Variants in PRKN observed in about 807,000 individuals in gnomAD.
PRKN encodes parkin RBR E3 ubiquitin protein ligase.
A neutral mutation model predicts 59.5 loss-of-function variants in PRKN; 56 were observed. The observed-to-expected ratio is 0.94, with a 90% CI of 0.76 to 1.18. The LOEUF (loss-of-function observed/expected upper bound fraction) is 1.18. PRKN is among the 50% of genes most tolerant of loss of function. The pLI, the probability that PRKN is intolerant of heterozygous loss-of-function variation, is 0.00. For missense variants in PRKN, 657 were observed against 596.4 expected (o/e 1.10, Z -1.06); for synonymous variants, 250 against 222.1 (o/e 1.13, Z -1.12).
intron 7 of PRKN, among the ~76,000 whole-genome samples, chr6:161,666,966 G>A (rs1784748714): frequency 6.6e-6 from 1 of 152,184 alleles, no homozygotes; most frequent in Non-Finnish European, 1.5e-5. Flanking sequence ...CCAGGCACAT[G>A]GGTAACTCCA....
chr6:161,791,119 G>A (rs913596002), intron 6 of PRKN, among the ~76,000 whole-genome samples: 3 of 152,056 alleles, frequency 2.0e-5, no homozygotes, highest in African/African-American at 7.2e-5. Context: ...AATGGGCCAG[G>A]TTAAAGAGCG....
At chr6:162,234,388 G>A (rs1020590803) in intron 3 of PRKN, among the ~76,000 whole-genome samples, 2 of 152,136 alleles carry the variant, frequency 1.3e-5, no homozygotes, top group African/African-American at 2.4e-5. Flanking sequence ...TTGGTTCATT[G>A]AAAAGATTTA....
At chr6:161,801,663 G>GCCTTAGATCAGCCGGTTTTAA (rs1791085200) in intron 6 of PRKN, among the ~76,000 whole-genome samples, 1 of 152,112 alleles carries the variant, frequency 6.6e-6, no homozygotes, top group Admixed American at 6.6e-5. Flanking sequence ...AATCGAACGG[G>GCCTTAGATCAGCCGGTTTTAA]CCTTAGATCA....
At chr6:162,183,510 C>T (rs551541080) in intron 4 of PRKN, among the ~76,000 whole-genome samples, 1 of 152,334 alleles carries the variant, frequency 6.6e-6, no homozygotes, top group African/African-American at 2.4e-5. Context: ...ACCTCCCCTC[C>T]TGTCTTGGTA....
chr6:162,297,356 C>T (rs1429290849), intron 2 of PRKN, among the ~76,000 whole-genome samples: 1 of 151,904 alleles, frequency 6.6e-6, no homozygotes, highest in Non-Finnish European at 1.5e-5. Context: ...ATCAAAGTAC[C>T]AATTAAACCA....
rs1778114199 is a variant in PRKN at position 162,645,037 on chromosome 6, T to G, written c.7+82625A>C. On this transcript the variant is annotated intron_variant, in intron 1 of 11. Coordinates refer to ENST00000366898, the MANE Select transcript of PRKN (RefSeq NM_004562.3). ...TGAATACCATTTCAGTGTATTCAAC[T>G]TTTCTTTCCGTGGCTTATTAATAGA... Among the ~76,000 whole-genome samples the G allele has an allele frequency of 2.0e-5, 3 of 152,214 alleles. No individual in the cohort carries two copies. The South Asian group carries it at 6.2e-4, about 32-fold the overall frequency.
chr6:161,681,522 G>A (rs947147470), intron 7 of PRKN, among the ~76,000 whole-genome samples: 4 of 151,612 alleles, frequency 2.6e-5, no homozygotes, highest in African/African-American at 9.7e-5. Flanking sequence ...ATGGTTACAA[G>A]TAACAATAAA....
chr6:162,340,148 A>T lies in PRKN; in HGVS notation c.172-77383T>A, dbSNP rs977879117. On this transcript the variant is annotated intron_variant, in intron 2 of 11. Transcript: ENST00000366898. ...AGAATTATCAATAAAAAAATAAATT[A>T]AAAAAAAAAAAAGTAGTCTCTGATT... 7.0e-3 allele frequency among the ~76,000 whole-genome samples: 322 copies of T among 46,026 alleles called. 9 individuals carry two copies. Among genetic ancestry groups the T allele is most frequent in the Admixed American group, 0.047 (277 of 5,880 alleles). The allele number at this position is 46,026 out of a possible 152,430, so 30.2% of individuals were successfully genotyped here. A position where few individuals can be genotyped will look rare whatever the true frequency, so the allele number is the denominator to read the frequency against.
At chr6:161,696,330 T>C (rs190109652) in intron 7 of PRKN, among the ~76,000 whole-genome samples, 1 of 152,336 alleles carries the variant, frequency 6.6e-6, no homozygotes, top group East Asian at 1.9e-4. Context: ...TGGAAGTTTC[T>C]AAACTCTGCT....
chr6:162,204,875 T>A (rs906778380), intron 3 of PRKN, among the ~76,000 whole-genome samples: 17 of 151,764 alleles, frequency 1.1e-4, no homozygotes, highest in African/African-American at 4.1e-4. Context: ...TTCTTTTTTC[T>A]TTTTTGAGAT....
At chr6:162,384,074 T>G (rs546705568) in intron 2 of PRKN, among the ~76,000 whole-genome samples, 1 of 152,334 alleles carries the variant, frequency 6.6e-6, no homozygotes, top group African/African-American at 2.4e-5. Flanking sequence ...CACTAAAATG[T>G]TCTCCACATC....
At chr6:161,874,862 T>A (rs1583284026) in intron 6 of PRKN, among the ~76,000 whole-genome samples, 1 of 98,484 alleles carries the variant, frequency 1.0e-5, no homozygotes, top group African/African-American at 4.3e-5. Context: ...AAAATATATA[T>A]AAAATGTAAA....
intron 2 of PRKN, among the ~76,000 whole-genome samples, chr6:162,325,876 T>C (rs1437082394): frequency 3.3e-5 from 5 of 152,172 alleles, no homozygotes; most frequent in Non-Finnish European, 7.4e-5. Flanking sequence ...GTATACATTT[T>C]ATAAATTTGT....
intron 6 of PRKN, among the ~76,000 whole-genome samples, chr6:161,957,537 G>A (rs1780225857): frequency 6.6e-6 from 1 of 151,638 alleles, no homozygotes. Context: ...CGATCCTCCT[G>A]CCTCAGCCTC....
chr6:161,764,043 G>T (rs1789320042), intron 7 of PRKN, among the ~76,000 whole-genome samples: 1 of 152,054 alleles, frequency 6.6e-6, no homozygotes, highest in African/African-American at 2.4e-5. Flanking sequence ...TCCAGGGTGG[G>T]CTTGCTGGGC....
At chr6:162,604,879 C>T (rs1193386535) in intron 1 of PRKN, among the ~76,000 whole-genome samples, 1 of 152,140 alleles carries the variant, frequency 6.6e-6, no homozygotes, top group Non-Finnish European at 1.5e-5. Flanking sequence ...TCCTTTCACA[C>T]TCATGTTATG....
At position 162,518,190 on chromosome 6, in the gene PRKN, A is replaced by C. The variant is rs542206499; in HGVS notation, c.8-74717T>G. On this transcript the variant is annotated intron_variant, in intron 1 of 11. Transcript: ENST00000366898. Reference sequence around the variant, plus strand: ...TCAGTTAACAGTCTTACTACATAAAAATTACAAGAATTTTCATTAACAAAA... The same window carrying C: ...TCAGTTAACAGTCTTACTACATAAACATTACAAGAATTTTCATTAACAAAA... Among the ~76,000 whole-genome samples, 5 of 152,344 alleles carry C rather than the reference A, an allele frequency of 3.3e-5. No homozygotes were observed. The East Asian group carries it at 9.6e-4, about 29-fold the overall frequency.
intron 6 of PRKN, among the ~76,000 whole-genome samples, chr6:161,855,719 C>G (rs1793623634): frequency 6.6e-6 from 1 of 152,104 alleles, no homozygotes; most frequent in African/African-American, 2.4e-5. Flanking sequence ...CCTGTTGCTT[C>G]AAATAATAAA....
intron 3 of PRKN, among the ~76,000 whole-genome samples, chr6:162,248,991 G>T (rs2128094932): frequency 6.6e-6 from 1 of 151,804 alleles, no homozygotes; most frequent in Admixed American, 6.6e-5. Context: ...GGATTCTCCT[G>T]CCTCAGCCTC....
Sources: gnomAD v4.1 joint callset for allele counts (sites outside exome capture counted in the v4.1 genomes callset) on GRCh38, gnomAD v4.1.1 for gene constraint, MANE v1.5 for transcripts, NCBI Gene and HGNC (gene_info 2026-07-23, HGNC 2026-07-21) for gene names.